The following KDM5A variants were observed in gnomAD, a reference collection of about 807,000 sequenced individuals.
The protein encoded by KDM5A is lysine-specific demethylase 5A.
KDM5A carries 42 observed loss-of-function variants against 193.5 expected under a neutral mutation model. The ratio of observed to expected loss-of-function variants is 0.22; its 90% CI spans 0.17 to 0.28. The LOEUF (loss-of-function observed/expected upper bound fraction) is 0.28, where lower values mean the gene tolerates loss of function less well. Among genes scored for constraint, KDM5A ranks in the 10% least tolerant of loss-of-function variants. The pLI, the probability that KDM5A is intolerant of heterozygous loss-of-function variation, is 1.00. For missense variants in KDM5A, 1,692 were observed against 2,055.1 expected (o/e 0.82, Z 3.42); for synonymous variants, 796 against 718.1 (o/e 1.11, Z -1.73).
chr12:329,546 G>A (rs541009347), intron 13 of KDM5A, among the ~76,000 whole-genome samples: 1 of 151,970 alleles, frequency 6.6e-6, no homozygotes, highest in East Asian at 1.9e-4. Context: ...ATCCACATTG[G>A]CTGACATTTA....
At chr12:325,001 A>G (rs546750069) in intron 14 of KDM5A, among the ~76,000 whole-genome samples, 5 of 152,342 alleles carry the variant, frequency 3.3e-5, no homozygotes, top group Admixed American at 2.6e-4. Flanking sequence ...CAATTCTGCA[A>G]TAAGAGCAAA....
chr12:286,879 A>C (rs1450887190), intron 27 of KDM5A, among the ~76,000 whole-genome samples: 1 of 152,186 alleles, frequency 6.6e-6, no homozygotes, highest in African/African-American at 2.4e-5. Context: ...CTAGATCTTA[A>C]GAGACAATAT....
chr12:303,138 A>C (rs1943465343), intron 24 of KDM5A, among the ~76,000 whole-genome samples: 1 of 152,208 alleles, frequency 6.6e-6, no homozygotes, highest in Non-Finnish European at 1.5e-5. Context: ...TAGAATTACC[A>C]TTTGACCCAG....
At chr12:305,265 T>A (rs1943490217) in intron 24 of KDM5A, among the ~76,000 whole-genome samples, 1 of 152,122 alleles carries the variant, frequency 6.6e-6, no homozygotes, top group Non-Finnish European at 1.5e-5. Context: ...ATCTACCATA[T>A]AATAAGATAT....
chr12:323,767 T>G lies in KDM5A; in HGVS notation c.1983A>C (p.Ser661=), dbSNP rs2229349. ...GAACAAGTTCAAACACTTCTTCTTC[T>G]GACATCAGGACACCCTGAAATATAA... ...ESVVQMGVLM[S]EEEVFELVPD... The change falls in exon 15 of 28, where the codon TCA becomes TCC. Residue 661 remains serine, a synonymous_variant. Transcript: ENST00000399788. 5.6e-4 allele frequency: 907 copies of G among 1,613,696 alleles called. 3 individuals are homozygous for G. In the African/African-American group the frequency reaches 0.011, roughly 19 times the overall value.
rs750571061 is a variant in KDM5A, at chr12:292,806, T to C, written c.4819A>G (p.Asn1607Asp). ...WSGAEESDDENAVCAAQNCQR... is the reference protein window; with the variant it reads ...WSGAEESDDEDAVCAAQNCQR... ...CAGTTCTGTGCTGCGCACACAGCAT[T>C]CTCATCATCAGACTCCTCTGCTCCT... The change falls in exon 27 of 28, where the codon AAT (asparagine) becomes GAT (aspartate). Residue 1607 changes from asparagine to aspartate, a missense_variant. Physicochemically the swap from Asn to Asp is conservative, Grantham distance 23. Transcript: ENST00000399788. 3 of 1,614,244 alleles carry C rather than the reference T, an allele frequency of 1.9e-6. No individual in the cohort carries two copies. Among genetic ancestry groups the C allele is most frequent in the East Asian group, 2.2e-5 (1 of 44,886 alleles).
rs1288415574 is a variant in KDM5A at position 283,474 on chromosome 12, A to T, written c.*1982T>A. 4.3e-6 allele frequency: 1 copy of T among 232,892 alleles called. No homozygotes were observed. Among genetic ancestry groups the T allele is most frequent in the Non-Finnish European group, 8.5e-6 (1 of 117,652 alleles). The allele number at this position is 232,892 out of a possible 1,614,324, so 14.4% of individuals were successfully genotyped here. A position where few individuals can be genotyped will look rare whatever the true frequency, so the allele number is the denominator to read the frequency against. On this transcript the variant is annotated 3_prime_UTR_variant, in exon 28 of 28. Transcript: ENST00000399788. ...AACACTCAAAATGTTATACAGTATT[A>T]AGAATGAATAAAAAGTAGGTAGTAT...
intron 13 of KDM5A, among the ~76,000 whole-genome samples, chr12:329,431 T>A (rs1943834913): frequency 6.6e-6 from 1 of 151,442 alleles, no homozygotes; most frequent in African/African-American, 2.4e-5. Flanking sequence ...AAGGGTTAAG[T>A]GGAAGTATTC....
intron 3 of KDM5A, among the ~76,000 whole-genome samples, chr12:378,356 C>G (rs1944533830): frequency 6.6e-6 from 1 of 152,048 alleles, no homozygotes; most frequent in Non-Finnish European, 1.5e-5. Flanking sequence ...CACCTGGACT[C>G]AAATGATCCT....
In KDM5A at chr12:282,370, T is replaced by C. The variant is rs1321322277; in HGVS notation, c.*3086A>G. The C allele has an allele frequency of 1.3e-5, 3 of 233,138 alleles. No individual in the cohort carries two copies. The highest frequency in any genetic ancestry group is 6.0e-5 in the East Asian group (1 of 16,606). The allele number at this position is 233,138 out of a possible 1,614,324, so 14.4% of individuals were successfully genotyped here. A position where few individuals can be genotyped will look rare whatever the true frequency, so the allele number is the denominator to read the frequency against. ...TTTGCCGTTTCCATTATTCAAGGTA[T>C]GACATGCAATAATTTATAATTTTAC... On this transcript the variant is annotated 3_prime_UTR_variant, in exon 28 of 28. Coordinates refer to ENST00000399788, the MANE Select transcript of KDM5A (RefSeq NM_001042603.3).
chr12:365,784 C>A, intron 4 of KDM5A, 150 bp downstream of exon 4: 18 of 634,324 alleles, frequency 2.8e-5, no homozygotes, highest in South Asian at 5.8e-5. Context: ...TCTTGTAAAC[C>A]ATCAAAAACA....
intron 14 of KDM5A, among the ~76,000 whole-genome samples, chr12:327,472 G>A (rs1230949054): frequency 6.6e-6 from 1 of 152,220 alleles, no homozygotes; most frequent in Non-Finnish European, 1.5e-5. Flanking sequence ...CACTTTAGGA[G>A]GCCAAGGTGG....
At chr12:323,866 G>C in intron 14 of KDM5A, 85 bp from the exon 15 acceptor site, 1 of 1,054,988 alleles carries the variant, frequency 9.5e-7, no homozygotes, top group Admixed American at 1.7e-5. Context: ...TTTTTCTATA[G>C]ACAAATCTCT....
chr12:385,854 T>TAAAG lies in KDM5A; in HGVS notation c.243+39_243+42dup. On this transcript the variant is annotated intron_variant, in intron 2 of 27. Coordinates refer to ENST00000399788, the MANE Select transcript of KDM5A (RefSeq NM_001042603.3). ...AAGTTCTCTACCTACAGCCCTAATA[T>TAAAG]AAAGAATGAATCAGGAAGCAGAAAT... 2.0e-6 allele frequency: 3 copies of TAAAG among 1,488,308 alleles called. No homozygotes were observed. The South Asian group carries it at 3.4e-5, about 17-fold the overall frequency. 92.2% of individuals were successfully genotyped at this position (1,488,308 alleles called of 1,614,324 possible).
At chr12:311,669 CA>C (rs546591698) in intron 20 of KDM5A, among the ~76,000 whole-genome samples, 1 of 151,860 alleles carries the variant, frequency 6.6e-6, no homozygotes, top group African/African-American at 2.4e-5. Context: ...AGAAATAATT[CA>C]AAAAAACAGA....
chr12:319,745 C>T (rs763354081), intron 18 of KDM5A, among the ~76,000 whole-genome samples: 8 of 151,514 alleles, frequency 5.3e-5, no homozygotes, highest in Non-Finnish European at 8.8e-5. Flanking sequence ...CAGAGCCAGA[C>T]GCTGTCTCAA....
intron 10 of KDM5A, among the ~76,000 whole-genome samples, chr12:341,585 T>C (rs976593731): frequency 6.6e-6 from 1 of 152,004 alleles, no homozygotes; most frequent in Non-Finnish European, 1.5e-5. Context: ...TAACTAAAAA[T>C]AGCTAACACC....
chr12:356,754 A>G (rs1312991615), intron 5 of KDM5A, among the ~76,000 whole-genome samples: 1 of 152,228 alleles, frequency 6.6e-6, no homozygotes, highest in East Asian at 1.9e-4. Flanking sequence ...AAACTCGTGT[A>G]TGACTCATAA....
At chr12:335,769 C>G (rs1174932125) in intron 10 of KDM5A, among the ~76,000 whole-genome samples, 1 of 151,852 alleles carries the variant, frequency 6.6e-6, no homozygotes, top group East Asian at 1.9e-4. Context: ...GGGCTGGGCA[C>G]GGTGGCTCAC....
Sources: gnomAD v4.1 joint callset for allele counts (sites outside exome capture counted in the v4.1 genomes callset) on GRCh38, gnomAD v4.1.1 for gene constraint, MANE v1.5 for transcripts, NCBI Gene and HGNC (gene_info 2026-07-23, HGNC 2026-07-21) for gene names.